The following IARS1 variants were observed in gnomAD, a reference collection of about 807,000 sequenced individuals.
The protein encoded by IARS1 is isoleucyl-tRNA synthetase 1, also known as isoleucine--tRNA ligase, cytoplasmic.
IARS1 carries 124 observed loss-of-function variants against 168.2 expected under a neutral mutation model. The ratio of observed to expected loss-of-function variants is 0.74; its 90% confidence interval spans 0.64 to 0.86. IARS1 has a LOEUF of 0.86. IARS1 is among the 40% of genes least tolerant of loss of function. The pLI is 0.00. For synonymous variants in IARS1, 532 were observed against 529.4 expected (o/e 1.00, Z -0.07); for missense variants, 1,452 against 1,515.8 (o/e 0.96, Z 0.70).
chr9:92,251,233 C>A (rs1829971940), intron 22 of IARS1: 4 of 452,896 alleles, frequency 8.8e-6, no homozygotes, highest in Non-Finnish European at 1.8e-5. Context: ...GGCACAGCAC[C>A]TTGTACAAAG....
chr9:92,266,755 T>C lies in IARS1; in HGVS notation c.1432-1202A>G, dbSNP rs75624151. On this transcript the variant is annotated intron_variant, in intron 14 of 33. Coordinates refer to ENST00000443024, the MANE Select transcript of IARS1 (RefSeq NM_002161.6). ...CCACCGCCCGTTTCTTCTCTTGCCA[T>C]GTGATTTCTGCATACTCTGGCTCCT... is the stretch of plus-strand genomic sequence containing the variant. 2.2e-3 allele frequency among the ~76,000 whole-genome samples: 329 copies of C among 152,288 alleles called. 1 individual carries two copies. Among genetic ancestry groups the C allele is most frequent in the Non-Finnish European group, 3.6e-3 (245 of 68,024 alleles).
At chr9:92,242,521 A>C in intron 28 of IARS1, 191 bp from the exon 29 acceptor site, 1 of 563,156 alleles carries the variant, frequency 1.8e-6, no homozygotes, top group Non-Finnish European at 3.1e-6. Context: ...TGTCTTTTTC[A>C]CCACTCTTTG....
chr9:92,287,827 G>A lies in IARS1; in HGVS notation c.360C>T (p.Cys120=), dbSNP rs1835691940. 5 of 1,613,558 alleles carry A rather than the reference G, an allele frequency of 3.1e-6. No individual in the cohort carries two copies. The highest frequency in any genetic ancestry group is 4.2e-6 in the Non-Finnish European group (5 of 1,179,794). ...KMGITEYNNQ[C]RAIVMRYSAE... The stretch of plus-strand genomic sequence containing the variant: ...CAGAATATCTCATCACAATTGCTCG[G>A]CACTGATTGTTATACTCTGTAATCC... Residue 120 remains cysteine, a synonymous_variant, in exon 4 of 34, where the codon TGC becomes TGT. Transcript: ENST00000443024.
intron 30 of IARS1, chr9:92,240,574 A>C: frequency 1.6e-6 from 1 of 619,694 alleles, no homozygotes; most frequent in Non-Finnish European, 2.9e-6. Context: ...TTTTTTTTTT[A>C]ATTGAGGCAG....
At chr9:92,253,712 A>G (rs1830333071) in intron 20 of IARS1, 1 of 516,786 alleles carries the variant, frequency 1.9e-6, no homozygotes, top group East Asian at 4.0e-5. Context: ...CAGTGAGAAA[A>G]GCCAAAAACT....
intron 17 of IARS1, among the ~76,000 whole-genome samples, chr9:92,260,521 G>T (rs1194477660): frequency 1.3e-5 from 2 of 152,072 alleles, no homozygotes; most frequent in African/African-American, 2.4e-5. Context: ...TGGGCGTGGG[G>T]GCGCACACTT....
At chr9:92,292,477 G>C (rs1399812702) in intron 1 of IARS1, 2 of 155,312 alleles carry the variant, frequency 1.3e-5, no homozygotes, top group East Asian at 1.9e-4. Flanking sequence ...ACCAGCGACC[G>C]GGCTATGGCA....
intron 30 of IARS1, among the ~76,000 whole-genome samples, chr9:92,236,503 T>A (rs951469069): frequency 6.6e-6 from 1 of 152,210 alleles, no homozygotes; most frequent in Non-Finnish European, 1.5e-5. Context: ...CCATTAAAAT[T>A]ATCTGTTTGA....
chr9:92,276,217 C>A (rs753150138), intron 9 of IARS1, among the ~76,000 whole-genome samples: 4 of 152,012 alleles, frequency 2.6e-5, no homozygotes, highest in Non-Finnish European at 5.9e-5. Context: ...TGAGTTCAGA[C>A]CTGAAGGGTG....
At chr9:92,235,456 T>C (rs1323724432) in intron 30 of IARS1, among the ~76,000 whole-genome samples, 1 of 152,092 alleles carries the variant, frequency 6.6e-6, no homozygotes. Context: ...ATGCTTTTTA[T>C]GAATCAACTG....
At chr9:92,233,857 G>A (rs1262834768) in intron 30 of IARS1, among the ~76,000 whole-genome samples, 1 of 152,102 alleles carries the variant, frequency 6.6e-6, no homozygotes, top group African/African-American at 2.4e-5. Context: ...CATCTCCCAG[G>A]CTCAAGCAAT....
At chr9:92,266,447 T>G (rs1832297642) in intron 14 of IARS1, among the ~76,000 whole-genome samples, 1 of 152,230 alleles carries the variant, frequency 6.6e-6, no homozygotes, top group Admixed American at 6.5e-5. Context: ...AGCCTATTAC[T>G]TCTAAGCTAC....
intron 33 of IARS1, among the ~76,000 whole-genome samples, chr9:92,215,790 G>A (rs1564152741): frequency 6.6e-6 from 1 of 151,810 alleles, no homozygotes; most frequent in Admixed American, 6.6e-5. Flanking sequence ...CCAAATCTAC[G>A]TCTGACTGGT....
chr9:92,280,136 A>G (rs140005685), intron 7 of IARS1, among the ~76,000 whole-genome samples: 29 of 152,300 alleles, frequency 1.9e-4, no homozygotes, highest in African/African-American at 6.7e-4. Context: ...ACTGCTTTCA[A>G]TTCTTTGGGG....
rs369780120 is a variant in IARS1, at chr9:92,259,039, C to T, written c.1872-41G>A. The T allele has an allele frequency of 1.6e-5, 24 of 1,532,746 alleles. No individual in the cohort carries two copies. In the African/African-American group the frequency reaches 2.8e-4, roughly 18 times the overall value. The allele number at this position is 1,532,746 out of a possible 1,614,324, so 94.9% of individuals were successfully genotyped here. A position where few individuals can be genotyped will look rare whatever the true frequency, so the allele number is the denominator to read the frequency against. On this transcript the variant is annotated intron_variant, in intron 18 of 33. Transcript: ENST00000443024. ...AAATTAGACAGAAAAGGTACTTAGA[C>T]AGTAAACCAATTATTACTACTCGAC...
rs372314145 is a variant in IARS1 at position 92,213,826 on chromosome 9, TC to T, written c.3707-2938del. Among the ~76,000 whole-genome samples the T allele has an allele frequency of 2.4e-3, 362 of 152,092 alleles. 1 individual carries two copies. The highest frequency in any genetic ancestry group is 6.8e-3 in the Middle Eastern group (2 of 294). ...GACTGGGAATGCCATAGATTTTTTT[TC>T]TGAGATGGAGTTTAACTCTTGTCGC... is the stretch of plus-strand genomic sequence containing the variant. On this transcript the variant is annotated intron_variant, in intron 33 of 33. Coordinates refer to ENST00000443024, the MANE Select transcript of IARS1 (RefSeq NM_002161.6).
chr9:92,242,582 T>C lies in IARS1; in HGVS notation c.3001-252A>G, dbSNP rs1828597851. On this transcript the variant is annotated intron_variant, in intron 28 of 33. Coordinates refer to ENST00000443024, the MANE Select transcript of IARS1 (RefSeq NM_002161.6). ...AGAACAATCAGTACCTCATGAATGTTGAAACCAAGAAATTACTTAGAACCC... is the reference window on the plus strand; with the variant it reads ...AGAACAATCAGTACCTCATGAATGTCGAAACCAAGAAATTACTTAGAACCC... The C allele has an allele frequency of 6.7e-6, 3 of 448,916 alleles. No individual in the cohort carries two copies. In the Admixed American group the frequency reaches 1.2e-4, roughly 18 times the overall value. 27.8% of individuals were successfully genotyped at this position (448,916 alleles called of 1,614,324 possible).
chr9:92,283,309 GT>G (rs1219584267), intron 6 of IARS1, among the ~76,000 whole-genome samples: 1 of 152,176 alleles, frequency 6.6e-6, no homozygotes, highest in Non-Finnish European at 1.5e-5. Context: ...GCAGAGGAAA[GT>G]TTCCCAACCT....
intron 6 of IARS1, among the ~76,000 whole-genome samples, chr9:92,282,590 G>A (rs1343504441): frequency 6.6e-6 from 1 of 151,952 alleles, no homozygotes; most frequent in Non-Finnish European, 1.5e-5. Context: ...GGGCAATATG[G>A]TGAGATCCCA....
Sources: gnomAD v4.1 joint callset for allele counts (sites outside exome capture counted in the v4.1 genomes callset) on GRCh38, gnomAD v4.1.1 for gene constraint, MANE v1.5 for transcripts, NCBI Gene and HGNC (gene_info 2026-07-23, HGNC 2026-07-21) for gene names.